RANBP2: variants seen among roughly 807,000 people sequenced by gnomAD.
RANBP2 encodes E3 SUMO-protein ligase RanBP2.
A neutral mutation model predicts 303.6 loss-of-function variants in RANBP2; 57 were observed. The ratio of observed to expected loss-of-function variants is 0.19; its 90% CI spans 0.15 to 0.23. The LOEUF (loss-of-function observed/expected upper bound fraction) is 0.23. Among genes scored for constraint, RANBP2 ranks in the 10% least tolerant of loss-of-function variants. The pLI is 1.00. For missense variants in RANBP2, 3,138 were observed against 3,780.8 expected, an observed-to-expected ratio of 0.83 and a Z score of 4.46; for synonymous variants, 1,167 against 1,301.5, an observed-to-expected ratio of 0.90 and a Z score of 2.23.
the RANBP2 span, among the ~76,000 whole-genome samples, chr2:109,400,006 A>T: frequency 6.6e-6 from 1 of 152,026 alleles, no homozygotes; most frequent in African/African-American, 2.4e-5. Context: ...TGCCCTGGAC[A>T]GGCCTCAGAG....
At chr2:109,287,243 A>T in the RANBP2 span, among the ~76,000 whole-genome samples, 2 of 152,182 alleles carry the variant, frequency 1.3e-5, no homozygotes, top group Admixed American at 6.5e-5. Flanking sequence ...GGGTCTAGCG[A>T]ATGGCCCCTT....
chr2:108,814,644 TTTTA>T, the RANBP2 span, among the ~76,000 whole-genome samples: 2 of 151,404 alleles, frequency 1.3e-5, no homozygotes, highest in African/African-American at 4.8e-5. Context: ...TTTTTTGTTT[TTTTA>T]TTTTTTAATT....
At chr2:108,790,233 A>G (rs890845463), downstream of RANBP2, among the ~76,000 whole-genome samples, 1 of 152,214 alleles carries the variant, frequency 6.6e-6, no homozygotes, top group Non-Finnish European at 1.5e-5. Context: ...CGTTGAATGT[A>G]GGGTAAGGAA....
the RANBP2 span, among the ~76,000 whole-genome samples, chr2:109,464,346 C>T: frequency 2.0e-5 from 3 of 152,318 alleles, no homozygotes; most frequent in African/African-American, 7.2e-5. Context: ...ATACAAATAA[C>T]ATTCACATGC....
chr2:108,958,116 C>T, the RANBP2 span, among the ~76,000 whole-genome samples: 134 of 152,306 alleles, frequency 8.8e-4, no homozygotes, highest in African/African-American at 3.0e-3. Context: ...GCACACACCC[C>T]TGCACTTTCA....
the RANBP2 span, among the ~76,000 whole-genome samples, chr2:109,452,901 C>T: frequency 7.0e-6 from 1 of 142,120 alleles, no homozygotes; most frequent in South Asian, 2.3e-4. Context: ...GGAGGCTGGT[C>T]CCGGGAGGCT....
At chr2:108,943,110 G>T in the RANBP2 span, among the ~76,000 whole-genome samples, 1 of 152,162 alleles carries the variant, frequency 6.6e-6, no homozygotes, top group Admixed American at 6.5e-5. Context: ...ATGAAGCAAA[G>T]AACTCATAAA....
chr2:108,864,816 C>G, the RANBP2 span, among the ~76,000 whole-genome samples: 1 of 144,076 alleles, frequency 6.9e-6, no homozygotes, highest in African/African-American at 2.5e-5. Flanking sequence ...AAAAAATTAG[C>G]TTGGCATAAT....
the RANBP2 span, among the ~76,000 whole-genome samples, chr2:109,062,083 C>A: frequency 6.6e-6 from 1 of 152,204 alleles, no homozygotes; most frequent in Non-Finnish European, 1.5e-5. Flanking sequence ...CAGGGCCAGG[C>A]AGGCAGGCTT....
chr2:109,115,655 G>A, the RANBP2 span, among the ~76,000 whole-genome samples: 1 of 152,208 alleles, frequency 6.6e-6, no homozygotes, highest in Non-Finnish European at 1.5e-5. Flanking sequence ...TGTTATGTGT[G>A]AATTTGATCC....
the RANBP2 span, among the ~76,000 whole-genome samples, chr2:108,877,743 G>T: frequency 2.5e-4 from 38 of 152,112 alleles, no homozygotes; most frequent in Admixed American, 2.2e-3. Context: ...AAAGATTCTG[G>T]TGGCCAAAGA....
At chr2:109,698,202 G>C in the RANBP2 span, among the ~76,000 whole-genome samples, 1 of 148,110 alleles carries the variant, frequency 6.8e-6, no homozygotes, top group African/African-American at 2.5e-5. Flanking sequence ...AATTAACCCA[G>C]TTTTTTTTTT....
the RANBP2 span, among the ~76,000 whole-genome samples, chr2:109,458,065 G>A: frequency 6.6e-6 from 1 of 152,124 alleles, no homozygotes; most frequent in Admixed American, 6.5e-5. Context: ...TGCAGGAGCC[G>A]GGGAGGGCAC....
At chr2:109,314,591 A>G in the RANBP2 span, among the ~76,000 whole-genome samples, 1 of 152,236 alleles carries the variant, frequency 6.6e-6, no homozygotes, top group Non-Finnish European at 1.5e-5. Context: ...TAGTGTCTCC[A>G]TCTTAATTTG....
At chr2:109,435,641 A>G in the RANBP2 span, among the ~76,000 whole-genome samples, 1 of 152,260 alleles carries the variant, frequency 6.6e-6, no homozygotes, top group South Asian at 2.1e-4. Flanking sequence ...CCATCCTGCC[A>G]TGAGGGCAGA....
the RANBP2 span, among the ~76,000 whole-genome samples, chr2:109,587,070 G>A: frequency 6.6e-6 from 1 of 152,296 alleles, no homozygotes; most frequent in African/African-American, 2.4e-5. Context: ...TGAACCAGAT[G>A]TTTAATTAGC....
At chr2:109,367,260 G>A in the RANBP2 span, among the ~76,000 whole-genome samples, 2 of 151,568 alleles carry the variant, frequency 1.3e-5, no homozygotes, top group African/African-American at 2.4e-5. Flanking sequence ...CACTGTGCCC[G>A]TCTTGTTTTC....
At chr2:109,130,154 A>C in the RANBP2 span, 1 of 1,270,994 alleles carries the variant, frequency 7.9e-7, no homozygotes, top group Non-Finnish European at 9.9e-7. Flanking sequence ...GGCACGTGGG[A>C]GTGTGTGGGT....
the RANBP2 span, among the ~76,000 whole-genome samples, chr2:109,303,443 C>T: frequency 1.3e-5 from 2 of 152,142 alleles, no homozygotes; most frequent in Non-Finnish European, 2.9e-5. Context: ...TTTGTGTAGA[C>T]TGGTACATGG....
Sources: gnomAD v4.1 joint callset for allele counts (sites outside exome capture counted in the v4.1 genomes callset) on GRCh38, gnomAD v4.1.1 for gene constraint, MANE v1.5 for transcripts, NCBI Gene and HGNC (gene_info 2026-07-23, HGNC 2026-07-21) for gene names.